LMO7: variants seen among roughly 807,000 people sequenced by gnomAD.
LMO7 encodes LIM domain only protein 7.
Under a neutral mutation model 206.5 loss-of-function variants are expected in LMO7, and 120 were observed. The observed-to-expected ratio is 0.58, with a 90% CI of 0.50 to 0.68. The LOEUF is 0.68. LMO7 is among the 30% of genes least tolerant of loss of function. The pLI is 0.00. For synonymous variants in LMO7, 706 were observed against 681.5 expected (o/e 1.04, Z -0.56); for missense variants, 1,959 against 1,957.9 (o/e 1.00, Z -0.01).
At chr13:75,803,846 C>T (rs2055091383) in intron 7 of LMO7, among the ~76,000 whole-genome samples, 1 of 151,814 alleles carries the variant, frequency 6.6e-6, no homozygotes, top group Admixed American at 6.6e-5. Context: ...CTACATCCTT[C>T]CTGATCTCTC....
intron 1 of LMO7, among the ~76,000 whole-genome samples, chr13:75,690,851 A>G (rs2041411307): frequency 6.6e-6 from 1 of 152,210 alleles, no homozygotes; most frequent in Non-Finnish European, 1.5e-5. Context: ...ATGTGCACAG[A>G]TACTTGCTGA....
At chr13:75,705,170 G>A (rs1307717987) in intron 1 of LMO7, among the ~76,000 whole-genome samples, 4 of 152,164 alleles carry the variant, frequency 2.6e-5, no homozygotes, top group African/African-American at 4.8e-5. Context: ...TGGCGCAGTC[G>A]CTTCCTAGCT....
chr13:75,647,370 G>C (rs1489479168), intron 1 of LMO7, among the ~76,000 whole-genome samples: 1 of 152,146 alleles, frequency 6.6e-6, no homozygotes, highest in East Asian at 1.9e-4. Context: ...GCTTTTTCAA[G>C]TTCTGTTCTA....
intron 1 of LMO7, among the ~76,000 whole-genome samples, chr13:75,705,071 C>T (rs560793184): frequency 7.9e-5 from 12 of 152,244 alleles, no homozygotes; most frequent in South Asian, 4.1e-4. Flanking sequence ...GGTGTTGGTG[C>T]GGAATATGCC....
At chr13:75,675,419 C>A (rs1050228026) in intron 1 of LMO7, among the ~76,000 whole-genome samples, 1 of 152,086 alleles carries the variant, frequency 6.6e-6, no homozygotes, top group Non-Finnish European at 1.5e-5. Context: ...GTTATAAAAT[C>A]TTTTGTAAAC....
At chr13:75,709,892 G>T (rs1477821035) in intron 1 of LMO7, among the ~76,000 whole-genome samples, 1 of 152,186 alleles carries the variant, frequency 6.6e-6, no homozygotes, top group Non-Finnish European at 1.5e-5. Flanking sequence ...GTCCTGAATG[G>T]TATTGCCTAG....
At chr13:75,671,510 C>T (rs748330048) in intron 1 of LMO7, among the ~76,000 whole-genome samples, 62 of 152,206 alleles carry the variant, frequency 4.1e-4, no homozygotes, top group Non-Finnish European at 4.4e-4. Flanking sequence ...CTTTATCCGG[C>T]GTGTGATTAC....
exon 1 of LMO7, chr13:75,620,579 A>ACAAG (rs1437779239): frequency 6.6e-6 from 1 of 152,128 alleles, no homozygotes; most frequent in East Asian, 1.9e-4. Flanking sequence ...TGCATTTCTA[A>ACAAG]CAAGCACTCA....
chr13:75,722,554 G>T (rs2044113619), intron 2 of LMO7, among the ~76,000 whole-genome samples: 2 of 152,132 alleles, frequency 1.3e-5, no homozygotes, highest in South Asian at 4.1e-4. Flanking sequence ...AATAGTTGTT[G>T]GTGTGGATGC....
intron 1 of LMO7, among the ~76,000 whole-genome samples, chr13:75,695,803 T>C (rs561572779): frequency 6.6e-6 from 1 of 152,366 alleles, no homozygotes; most frequent in South Asian, 2.1e-4. Context: ...GAAGCTCTCG[T>C]GTATTTAATA....
At chr13:75,635,029 AAAAC>A (rs1449479676), upstream of LMO7, among the ~76,000 whole-genome samples, 1 of 126,100 alleles carries the variant, frequency 7.9e-6, no homozygotes, top group Non-Finnish European at 1.7e-5. Context: ...AAAACAAAAC[AAAAC>A]AAAACAAAAA....
intron 3 of LMO7, among the ~76,000 whole-genome samples, chr13:75,736,494 G>T (rs1214596197): frequency 6.6e-6 from 1 of 152,238 alleles, no homozygotes; most frequent in Non-Finnish European, 1.5e-5. Flanking sequence ...GATAGTCAAA[G>T]AATGTTTGTT....
In LMO7 at chr13:75,805,845, AAG is replaced by A. The variant is rs1595149780; in HGVS notation, c.1196+91_1196+92del. 2.9e-6 allele frequency: 4 copies of A among 1,364,634 alleles called. No homozygotes were observed. The East Asian group carries it at 9.2e-5, about 31-fold the overall frequency. 84.5% of individuals were successfully genotyped at this position (1,364,634 alleles called of 1,614,324 possible). ...CTATGTGCATGTTTTTTATAATAAT[AAG>A]AGAGACAGAGAAAGTCTAATTAGTT... On this transcript the variant is annotated intron_variant, in intron 9 of 30. Transcript: ENST00000377534.
intron 3 of LMO7, among the ~76,000 whole-genome samples, chr13:75,754,577 T>A (rs1195619928): frequency 6.6e-6 from 1 of 152,000 alleles, no homozygotes; most frequent in African/African-American, 2.4e-5. Flanking sequence ...GAATGTGGGA[T>A]GAGGAGGAAA....
Position 75,840,081 on chromosome 13 carries a change from A to C in LMO7, c.3452-4A>C. On this transcript the variant is annotated splice_polypyrimidine_tract_variant and splice_region_variant and intron_variant, in intron 20 of 30. Transcript: ENST00000377534. ...TTCTTCCTTGCCCATGTGCTGCAAC[A>C]CAGGAAGCTCTGATTCGGTGGTTCC... The C allele has an allele frequency of 6.2e-7, 1 of 1,613,926 alleles. No homozygotes were observed. Among genetic ancestry groups the C allele is most frequent in the Non-Finnish European group, 8.5e-7 (1 of 1,179,828 alleles).
intron 3 of LMO7, among the ~76,000 whole-genome samples, chr13:75,749,716 T>A (rs1041603932): frequency 3.3e-5 from 5 of 152,154 alleles, no homozygotes; most frequent in Non-Finnish European, 7.4e-5. Context: ...TCTTGGCAAT[T>A]CCTTTAAGCT....
At chr13:75,794,573 C>T (rs1448470012) in intron 4 of LMO7, among the ~76,000 whole-genome samples, 1 of 152,146 alleles carries the variant, frequency 6.6e-6, no homozygotes, top group Non-Finnish European at 1.5e-5. Flanking sequence ...TGCTGTTAGA[C>T]TGGACAGGCC....
At chr13:75,730,329 A>T (rs1270409591) in intron 3 of LMO7, among the ~76,000 whole-genome samples, 2 of 152,156 alleles carry the variant, frequency 1.3e-5, no homozygotes, top group Admixed American at 1.3e-4. Flanking sequence ...CTGTTCAGAG[A>T]TTCAACTTCT....
chr13:75,621,441 C>T (rs775959415), exon 1 of LMO7: 12 of 219,028 alleles, frequency 5.5e-5, no homozygotes, highest in African/African-American at 6.8e-5. Flanking sequence ...ATGAGGAAAA[C>T]ATTTTTATGT....
Sources: allele counts gnomAD v4.1 joint callset (sites outside exome capture counted in the v4.1 genomes callset), GRCh38; gene constraint gnomAD v4.1.1; transcripts MANE v1.5; gene names NCBI Gene and HGNC (gene_info 2026-07-23, HGNC 2026-07-21).